The following DENND1A variants were observed in gnomAD, a reference collection of about 807,000 sequenced individuals.
The protein encoded by DENND1A is DENN domain containing 1A.
DENND1A carries 51 observed loss-of-function variants against 113.7 expected under a neutral mutation model. That is an observed-to-expected ratio of 0.45 (90% CI 0.36 to 0.57). The LOEUF is 0.57. DENND1A is among the 20% of genes least tolerant of loss of function. The pLI is 0.00. For missense variants in DENND1A, 1,258 were observed against 1,395.9 expected (o/e 0.90, Z 1.57); for synonymous variants, 565 against 570.8 (o/e 0.99, Z 0.14).
intron 13 of DENND1A, among the ~76,000 whole-genome samples, chr9:123,497,941 C>G (rs1032889207): frequency 6.6e-6 from 1 of 152,154 alleles, no homozygotes; most frequent in African/African-American, 2.4e-5. Context: ...AACCCAGACC[C>G]CATGCTAGCA....
intron 13 of DENND1A, among the ~76,000 whole-genome samples, chr9:123,549,434 AG>A (rs1437250312): frequency 2.6e-5 from 4 of 152,004 alleles, no homozygotes; most frequent in African/African-American, 4.8e-5. Context: ...CCACCCATCA[AG>A]GGTTCTTGAT....
intron 2 of DENND1A, among the ~76,000 whole-genome samples, chr9:123,800,591 A>C (rs1038035743): frequency 2.0e-5 from 3 of 152,176 alleles, no homozygotes; most frequent in African/African-American, 7.2e-5. Context: ...TCTAGTCATT[A>C]CTGTGACTCA....
At chr9:123,553,562 T>A (rs1310621688) in intron 13 of DENND1A, among the ~76,000 whole-genome samples, 3 of 152,030 alleles carry the variant, frequency 2.0e-5, no homozygotes, top group South Asian at 4.1e-4. Flanking sequence ...GCAAAAAAAA[T>A]ATTAATAACT....
intron 11 of DENND1A, among the ~76,000 whole-genome samples, chr9:123,585,968 C>A (rs774200347): frequency 1.3e-5 from 2 of 152,116 alleles, no homozygotes; most frequent in African/African-American, 2.4e-5. Flanking sequence ...CACACAATAG[C>A]CACAGCCAGT....
chr9:123,471,791 C>T (rs2049448742), intron 13 of DENND1A, among the ~76,000 whole-genome samples: 2 of 152,204 alleles, frequency 1.3e-5, no homozygotes, highest in Admixed American at 1.3e-4. Flanking sequence ...CCACGACACC[C>T]CCGAGCTCTG....
intron 9 of DENND1A, among the ~76,000 whole-genome samples, chr9:123,633,280 C>G (rs1484660126): frequency 1.3e-5 from 2 of 152,188 alleles, no homozygotes; most frequent in Non-Finnish European, 2.9e-5. Context: ...ACAGGAAGAT[C>G]CTGTCCTCAC....
chr9:123,757,942 T>C, intron 4 of DENND1A, 120 bp from the exon 5 acceptor site: 2 of 1,266,448 alleles, frequency 1.6e-6, no homozygotes, highest in South Asian at 1.7e-5. Flanking sequence ...CTCTTAAAAT[T>C]TACACATTTC....
intron 13 of DENND1A, among the ~76,000 whole-genome samples, chr9:123,498,834 C>T (rs956180056): frequency 5.9e-5 from 9 of 152,030 alleles, no homozygotes; most frequent in Non-Finnish European, 1.0e-4. Flanking sequence ...GTGATTCTCC[C>T]ACCTCAGCCT....
At chr9:123,485,635 C>CCCGTGTGTGTGTGTGCGCG in intron 13 of DENND1A, 1 of 127,052 alleles carries the variant, frequency 7.9e-6, no homozygotes, top group Non-Finnish European at 1.6e-5. Context: ...TGTGTGTGCG[C>CCCGTGTGTGTGTGTGCGCG]GTACACACAC....
At chr9:123,634,327 A>C (rs1475527) in intron 9 of DENND1A, among the ~76,000 whole-genome samples, 53,708 of 152,090 alleles carry the variant, frequency 0.35, 9,813 homozygotes, top group African/African-American at 0.42. Flanking sequence ...CATTTGATTA[A>C]GAAAACAAAC....
At chr9:123,429,377 G>A (rs1469485903) in intron 19 of DENND1A, among the ~76,000 whole-genome samples, 2 of 152,162 alleles carry the variant, frequency 1.3e-5, no homozygotes, top group Non-Finnish European at 2.9e-5. Flanking sequence ...CTAACATGGT[G>A]AAACCCCATC....
intron 13 of DENND1A, among the ~76,000 whole-genome samples, chr9:123,549,823 T>G (rs2056931251): frequency 6.6e-6 from 1 of 152,058 alleles, no homozygotes; most frequent in Non-Finnish European, 1.5e-5. Context: ...AATGAAAAAA[T>G]AAAGAGTAAA....
intron 21 of DENND1A, among the ~76,000 whole-genome samples, chr9:123,395,692 G>A (rs1022902390): frequency 3.3e-5 from 5 of 152,130 alleles, no homozygotes; most frequent in African/African-American, 4.8e-5. Context: ...TTGCTCCTGG[G>A]GCTGAGCACA....
At chr9:123,694,769 CT>C (rs993636457) in intron 5 of DENND1A, among the ~76,000 whole-genome samples, 3 of 152,176 alleles carry the variant, frequency 2.0e-5, no homozygotes, top group African/African-American at 2.4e-5. Flanking sequence ...AGCTGATGAT[CT>C]TTTTGTCTAC....
chr9:123,609,276 C>T (rs72757123), intron 11 of DENND1A, among the ~76,000 whole-genome samples, 160 bp downstream of exon 11: 7,559 of 152,266 alleles, frequency 0.05, 268 homozygotes, highest in Middle Eastern at 0.088. Flanking sequence ...GCCCAGTGCA[C>T]GGCGTCCAAA....
intron 21 of DENND1A, among the ~76,000 whole-genome samples, chr9:123,396,431 C>T (rs2131166202): frequency 6.6e-6 from 1 of 152,350 alleles, no homozygotes; most frequent in South Asian, 2.1e-4. Flanking sequence ...GTGTGATCCA[C>T]AGCTGGGAGC....
At chr9:123,919,952 G>A (rs1392784478) in intron 1 of DENND1A, among the ~76,000 whole-genome samples, 1 of 150,950 alleles carries the variant, frequency 6.6e-6, no homozygotes, top group East Asian at 1.9e-4. Context: ...TCCAGGACTA[G>A]AGAGCAGGGG....
Position 123,729,270 on chromosome 9 carries a change from G to A in DENND1A, c.302+28433C>T, listed in dbSNP as rs551334569. Among the ~76,000 whole-genome samples, 231 of 152,200 alleles carry A rather than the reference G, an allele frequency of 1.5e-3. 2 individuals carry two copies. The highest frequency in any genetic ancestry group is 2.5e-3 in the Non-Finnish European group (172 of 68,020). The stretch of plus-strand genomic sequence containing the variant: ...TTGGAAGTTCCGGCCAGGGCAATCA[G>A]GCAAAAGAAAGAAATAAAGGGCATT... On this transcript the variant is annotated intron_variant, in intron 5 of 23. Transcript: ENST00000394215.
At chr9:123,896,348 A>T (rs1285256207) in intron 1 of DENND1A, among the ~76,000 whole-genome samples, 6 of 151,770 alleles carry the variant, frequency 4.0e-5, no homozygotes, top group Non-Finnish European at 7.4e-5. Flanking sequence ...AAAAACCCTC[A>T]ACCCCAGAAT....
Sources: allele counts gnomAD v4.1 joint callset (sites outside exome capture counted in the v4.1 genomes callset), GRCh38; gene constraint gnomAD v4.1.1; transcripts MANE v1.5; gene names NCBI Gene and HGNC (gene_info 2026-07-23, HGNC 2026-07-21).